Variants in CCAR2 observed in about 807,000 individuals in gnomAD.
The protein encoded by CCAR2 is cell cycle and apoptosis regulator protein 2.
A neutral mutation model predicts 108.1 loss-of-function variants in CCAR2; 21 were observed. The ratio of observed to expected loss-of-function variants is 0.19; its 90% confidence interval spans 0.14 to 0.28. The LOEUF is 0.28. CCAR2 is among the 10% of genes least tolerant of loss of function. The probability of loss-of-function intolerance (pLI) is 1.00; values close to 1 mark genes in which losing one functional copy is unlikely to be tolerated. For synonymous variants in CCAR2, 577 were observed against 472.8 expected (o/e 1.22, Z -2.86); for missense variants, 1,126 against 1,177.0 (o/e 0.96, Z 0.63).
intron 7 of CCAR2, 173 bp from the exon 8 acceptor site, chr8:22,612,844 A>T: frequency 8.7e-6 from 6 of 688,306 alleles, no homozygotes; most frequent in Non-Finnish European, 1.4e-5. Flanking sequence ...TTAAAACAGT[A>T]AATATCCATT....
intron 14 of CCAR2, among the ~76,000 whole-genome samples, chr8:22,616,830 A>T (rs1227248129): frequency 6.6e-6 from 1 of 151,096 alleles, no homozygotes; most frequent in Non-Finnish European, 1.5e-5. Flanking sequence ...AAAAGAAAAA[A>T]AAAGATTTGT....
Position 22,615,345 on chromosome 8 carries a change from A to G in CCAR2, c.1206-80A>G. On this transcript the variant is annotated intron_variant, in intron 11 of 20. Transcript: ENST00000308511. ...TGTGCTCATTGAGTGCTGACTGGAA[A>G]CTGAAGCCCTTGCCTGTGAACGTGG... 7 of 1,517,276 alleles carry G rather than the reference A, an allele frequency of 4.6e-6. No individual in the cohort carries two copies. The Admixed American group carries it at 1.1e-4, about 25-fold the overall frequency. 94.0% of individuals were successfully genotyped at this position (1,517,276 alleles called of 1,614,324 possible).
intron 7 of CCAR2, among the ~76,000 whole-genome samples, chr8:22,611,471 T>A (rs926844295): frequency 2.6e-5 from 4 of 151,938 alleles, no homozygotes. Context: ...TATATATATA[T>A]GTAAAAATAT....
chr8:22,615,565 A>G lies in CCAR2; in HGVS notation c.1346A>G (p.Glu449Gly), dbSNP rs143064291. 1.5e-4 allele frequency: 238 copies of G among 1,613,842 alleles called. No individual in the cohort carries two copies. Among genetic ancestry groups the G allele is most frequent in the Admixed American group, 2.2e-4 (13 of 60,004 alleles). ...WEALCQQKAA[E>G]AAPPTQEAQG... ...GCCCTGTGCCAGCAGAAAGCTGCAG[A>G]GGCAGCTCCCCCAACCCAGGAGGCA... is the stretch of plus-strand genomic sequence containing the variant. The change falls in exon 12 of 21, where the codon GAG becomes GGG. Residue 449 changes from glutamate to glycine, a missense_variant. Coordinates refer to ENST00000308511, the MANE Select transcript of CCAR2 (RefSeq NM_001393997.1).
downstream of CCAR2, chr8:22,621,360 G>GAAAAAA: frequency 1.9e-6 from 3 of 1,553,060 alleles, no homozygotes; most frequent in Non-Finnish European, 2.6e-6. Context: ...AGCTAGCCCT[G>GAAAAAA]AGAAGGGCAA....
At chr8:22,606,048 G>A (rs1006292434) in intron 2 of CCAR2, 37 bp from the exon 3 acceptor site, 1 of 1,564,758 alleles carries the variant, frequency 6.4e-7, no homozygotes, top group African/African-American at 1.4e-5. Context: ...TAAGGTGGTA[G>A]GGGCGGTTCC....
At chr8:22,616,538 C>G (rs1801515546) in intron 14 of CCAR2, 2 of 447,782 alleles carry the variant, frequency 4.5e-6, no homozygotes, top group Non-Finnish European at 8.2e-6. Flanking sequence ...ATTTTGTAGG[C>G]CGGGCGCTGT....
intron 7 of CCAR2, among the ~76,000 whole-genome samples, chr8:22,611,429 T>C (rs893239336): frequency 6.7e-6 from 1 of 148,198 alleles, no homozygotes; most frequent in Non-Finnish European, 1.5e-5. Flanking sequence ...TATGTGTGTA[T>C]ATATGTGTGT....
Position 22,616,081 on chromosome 8 carries a change from C to T in CCAR2, c.1678C>T (p.Leu560=), listed in dbSNP as rs772990677. ...RDFGYRVYKM[L]LSLPEKVVSP... ...TTTTGGCTATAGAGTTTATAAGATGCTACTGAGCCTTCCTGAAAAGGTCGT... is the reference window on the plus strand; with the variant it reads ...TTTTGGCTATAGAGTTTATAAGATGTTACTGAGCCTTCCTGAAAAGGTCGT... Residue 560 remains leucine (L), a synonymous_variant, in exon 14 of 21, where the codon CTA becomes TTA. Transcript: ENST00000308511. 1.9e-6 allele frequency: 3 copies of T among 1,613,984 alleles called. No individual in the cohort carries two copies. Among genetic ancestry groups the T allele is most frequent in the Non-Finnish European group, 2.5e-6 (3 of 1,180,016 alleles).
At chr8:22,617,309 C>G in intron 14 of CCAR2, 111 bp from the exon 15 acceptor site, 1 of 1,254,508 alleles carries the variant, frequency 8.0e-7, no homozygotes, top group South Asian at 1.7e-5. Flanking sequence ...TCTGTAGAGC[C>G]CTCCATACAG....
At chr8:22,611,427 T>TAC (rs1801277477) in intron 7 of CCAR2, among the ~76,000 whole-genome samples, 1 of 143,786 alleles carries the variant, frequency 7.0e-6, no homozygotes, top group African/African-American at 2.9e-5. Context: ...TATATGTGTG[T>TAC]ATATATGTGT....
chr8:22,619,181 A>C lies in CCAR2; in HGVS notation c.2553A>C (p.Glu851Asp). 1 of 1,598,618 alleles carries C rather than the reference A, an allele frequency of 6.3e-7. No individual in the cohort carries two copies. The highest frequency in any genetic ancestry group is 8.5e-7 in the Non-Finnish European group (1 of 1,172,834). Residue 851 changes from glutamate (E) to aspartate (D), a missense_variant, in exon 20 of 21, where the codon GAA becomes GAC. Glu to Asp is a conservative substitution (Grantham distance 45, BLOSUM62 2). Transcript: ENST00000308511. ...EESHNRFSAT[E>D]VTNKTLAAEM... The stretch of plus-strand genomic sequence containing the variant: ...GCCATAACCGTTTCTCAGCCACTGA[A>C]GTAACCAATAAGACGCTGGCGGCAG...
intron 17 of CCAR2, 42 bp from the exon 18 acceptor site, chr8:22,618,575 T>C: frequency 6.2e-7 from 1 of 1,613,538 alleles, no homozygotes; most frequent in Non-Finnish European, 8.5e-7. Flanking sequence ...ATGGCCAGGG[T>C]CGGGGACGGG....
chr8:22,619,419 A>G (rs1273487460), intron 20 of CCAR2, 64 bp downstream of exon 20: 47 of 1,527,442 alleles, frequency 3.1e-5, no homozygotes, highest in Non-Finnish European at 4.0e-5. Context: ...AGTCCCCAGA[A>G]GGGCGCTTGC....
chr8:22,615,614 C>G lies in CCAR2; in HGVS notation c.1377+18C>G. 1 of 1,613,626 alleles carries G rather than the reference C, an allele frequency of 6.2e-7. No homozygotes were observed. The highest frequency in any genetic ancestry group is 8.5e-7 in the Non-Finnish European group (1 of 1,179,800). On this transcript the variant is annotated intron_variant, in intron 12 of 20. Transcript: ENST00000308511. ...CACAAGGGGTAAGGCTGTGCCTTAG[C>G]CAGCAGCGGGGGATATAGGTGGCCT...
rs1169802255 is a variant in CCAR2, at chr8:22,619,293, C to T, written c.2665C>T (p.Leu889=). ...ERQKSQLQRL[L]QELRRRLTPL... Reference sequence around the variant, plus strand: ...ACAGAAGAGCCAGCTCCAGCGGCTGCTGCAGGAGCTCCGCAGGCGTCTGAC... The same window carrying T: ...ACAGAAGAGCCAGCTCCAGCGGCTGTTGCAGGAGCTCCGCAGGCGTCTGAC... Residue 889 remains leucine, a synonymous_variant, in exon 20 of 21, where the codon CTG becomes TTG. Coordinates refer to ENST00000308511, the MANE Select transcript of CCAR2 (RefSeq NM_001393997.1). 1.9e-6 allele frequency: 3 copies of T among 1,564,510 alleles called. No individual in the cohort carries two copies. The Admixed American group carries it at 5.7e-5, about 30-fold the overall frequency.
At chr8:22,610,243 GTTTC>G (rs1801224803) in intron 7 of CCAR2, among the ~76,000 whole-genome samples, 1 of 152,186 alleles carries the variant, frequency 6.6e-6, no homozygotes, top group Non-Finnish European at 1.5e-5. Context: ...TATTTATTTA[GTTTC>G]TCAGCTTTTA....
intron 10 of CCAR2, 143 bp from the exon 11 acceptor site, chr8:22,614,695 C>G: frequency 8.7e-7 from 1 of 1,148,370 alleles, no homozygotes. Flanking sequence ...GTGGCTGGTT[C>G]ATGTTTGCAG....
Position 22,616,110 on chromosome 8 carries a change from C to T in CCAR2, c.1707C>T (p.Ser569=). ...TGAGCCTTCCTGAAAAGGTCGTGTCCCCACCTGAACCTGAGAAGGAGGAGG... is the reference window on the plus strand; with the variant it reads ...TGAGCCTTCCTGAAAAGGTCGTGTCTCCACCTGAACCTGAGAAGGAGGAGG... ...MLLSLPEKVV[S]PPEPEKEEAA... The change falls in exon 14 of 21, where the codon TCC becomes TCT. Residue 569 remains serine (S), a synonymous_variant. Coordinates refer to ENST00000308511, the MANE Select transcript of CCAR2 (RefSeq NM_001393997.1). 6.2e-7 allele frequency: 1 copy of T among 1,613,884 alleles called. No individual in the cohort carries two copies. Among genetic ancestry groups the T allele is most frequent in the Non-Finnish European group, 8.5e-7 (1 of 1,180,014 alleles).
Sources: gnomAD v4.1 joint callset for allele counts (sites outside exome capture counted in the v4.1 genomes callset) on GRCh38, gnomAD v4.1.1 for gene constraint, MANE v1.5 for transcripts, NCBI Gene and HGNC (gene_info 2026-07-23, HGNC 2026-07-21) for gene names.